Variants in WDPCP observed in about 807,000 individuals in gnomAD.
WDPCP encodes the protein WD repeat-containing and planar cell polarity effector protein fritz homolog.
A neutral mutation model predicts 93.1 loss-of-function variants in WDPCP; 71 were observed. The ratio of observed to expected loss-of-function variants is 0.76; its 90% CI spans 0.63 to 0.93. WDPCP has a LOEUF of 0.93. WDPCP is among the 40% of genes least tolerant of loss of function. The pLI is 0.00. For missense variants in WDPCP, 844 were observed against 887.4 expected (o/e 0.95, Z 0.62); for synonymous variants, 315 against 315.0 (o/e 1.00, Z 0.00).
intron 2 of WDPCP, among the ~76,000 whole-genome samples, chr2:63,706,210 T>C (rs1669149636): frequency 6.6e-6 from 1 of 152,196 alleles, no homozygotes; most frequent in South Asian, 2.1e-4. Context: ...TGAGATGGGT[T>C]TCCTGAATAC....
intron 14 of WDPCP, among the ~76,000 whole-genome samples, chr2:63,203,871 A>C (rs1676112697): frequency 6.6e-6 from 1 of 152,218 alleles, no homozygotes. Context: ...GTGTTGTTGC[A>C]GATAACAGGA....
chr2:63,131,921 C>T (rs1005744567), intron 17 of WDPCP, among the ~76,000 whole-genome samples: 1 of 151,006 alleles, frequency 6.6e-6, no homozygotes, highest in African/African-American at 2.4e-5. Flanking sequence ...CTGCAACCTC[C>T]ACCTCCCAGG....
At chr2:63,598,963 T>C (rs911320440) in intron 3 of WDPCP, among the ~76,000 whole-genome samples, 1 of 151,564 alleles carries the variant, frequency 6.6e-6, no homozygotes, top group Non-Finnish European at 1.5e-5. Context: ...TTTCTATAAA[T>C]CTGATATTAT....
intron 17 of WDPCP, among the ~76,000 whole-genome samples, chr2:63,131,822 G>A (rs1413533920): frequency 6.8e-6 from 1 of 146,720 alleles, no homozygotes; most frequent in Non-Finnish European, 1.5e-5. Flanking sequence ...AGTTTTGCTA[G>A]ATACAGTATT....
chr2:63,287,494 C>T (rs1394191640), intron 13 of WDPCP, among the ~76,000 whole-genome samples: 1 of 152,136 alleles, frequency 6.6e-6, no homozygotes, highest in Non-Finnish European at 1.5e-5. Flanking sequence ...TATTCCTTTC[C>T]TCAGGGCATG....
At chr2:63,484,717 T>C in intron 5 of WDPCP, 54 bp from the exon 6 acceptor site, 1 of 1,605,568 alleles carries the variant, frequency 6.2e-7, no homozygotes, top group Non-Finnish European at 8.5e-7. Context: ...ATTGTCATTA[T>C]CAGTTAAAGT....
At chr2:63,510,416 T>C (rs1043814889) in intron 1 of WDPCP, among the ~76,000 whole-genome samples, 2 of 152,326 alleles carry the variant, frequency 1.3e-5, no homozygotes, top group African/African-American at 2.4e-5. Context: ...AAACTAGGTA[T>C]TGGTGAAACA....
intron 1 of WDPCP, among the ~76,000 whole-genome samples, chr2:63,578,857 T>G (rs1708291105): frequency 6.6e-6 from 1 of 152,190 alleles, no homozygotes; most frequent in Admixed American, 6.5e-5. Context: ...TCCATGAGAT[T>G]CACTTATTCT....
chr2:63,433,103 T>C (rs80346493), intron 9 of WDPCP, among the ~76,000 whole-genome samples: 237 of 152,228 alleles, frequency 1.6e-3, no homozygotes, highest in African/African-American at 5.5e-3. Flanking sequence ...AAAATACACA[T>C]AGGTTCACAT....
At chr2:63,623,018 C>T (rs998937338) in intron 3 of WDPCP, among the ~76,000 whole-genome samples, 11 of 152,314 alleles carry the variant, frequency 7.2e-5, no homozygotes, top group South Asian at 2.1e-4. Flanking sequence ...GCGCCACTTC[C>T]GGCGCAGCCC....
At chr2:63,395,285 G>C (rs1693622396) in intron 10 of WDPCP, among the ~76,000 whole-genome samples, 1 of 152,078 alleles carries the variant, frequency 6.6e-6, no homozygotes, top group Non-Finnish European at 1.5e-5. Context: ...GTGTTACATA[G>C]ACATATTGCA....
intron 6 of WDPCP, among the ~76,000 whole-genome samples, chr2:63,444,403 A>T (rs1188326695): frequency 6.6e-6 from 1 of 152,202 alleles, no homozygotes; most frequent in Non-Finnish European, 1.5e-5. Flanking sequence ...GATATTGTAA[A>T]GGAGACAACT....
chr2:63,710,524 C>T (rs368728932), intron 2 of WDPCP, among the ~76,000 whole-genome samples: 1 of 152,194 alleles, frequency 6.6e-6, no homozygotes, highest in African/African-American at 2.4e-5. Context: ...AGAGTATGCC[C>T]TCTCTTTCCA....
intron 2 of WDPCP, among the ~76,000 whole-genome samples, chr2:63,769,383 A>G (rs1422920850): frequency 6.6e-6 from 1 of 152,028 alleles, no homozygotes; most frequent in Non-Finnish European, 1.5e-5. Flanking sequence ...CATGACCAGG[A>G]TAATGTAAAG....
chr2:63,321,765 T>G (rs1392351173), intron 12 of WDPCP, among the ~76,000 whole-genome samples: 1 of 152,200 alleles, frequency 6.6e-6, no homozygotes, highest in African/African-American at 2.4e-5. Context: ...GCAACTTTGC[T>G]TTACTTTTTA....
chr2:63,199,908 G>T (rs116201665), intron 14 of WDPCP, among the ~76,000 whole-genome samples: 1 of 152,180 alleles, frequency 6.6e-6, no homozygotes, highest in Non-Finnish European at 1.5e-5. Flanking sequence ...AGCCATGGGA[G>T]CTGAGCCCTG....
chr2:63,251,141 T>C (rs1315089283), intron 14 of WDPCP, among the ~76,000 whole-genome samples: 2 of 152,102 alleles, frequency 1.3e-5, no homozygotes, highest in Non-Finnish European at 2.9e-5. Flanking sequence ...CTAAATGAAC[T>C]TGAGATCCAA....
intron 9 of WDPCP, among the ~76,000 whole-genome samples, chr2:63,424,895 G>A (rs1239324887): frequency 6.6e-6 from 1 of 152,166 alleles, no homozygotes; most frequent in Non-Finnish European, 1.5e-5. Context: ...CCCAAGGCCC[G>A]GGAATGGATC....
chr2:63,289,760 G>C (rs1257862925), intron 13 of WDPCP, among the ~76,000 whole-genome samples: 2 of 151,570 alleles, frequency 1.3e-5, no homozygotes, highest in African/African-American at 4.8e-5. Context: ...TTTTTGGTTT[G>C]TCGGCTTTTG....
Sources: gnomAD v4.1 joint callset for allele counts (sites outside exome capture counted in the v4.1 genomes callset) on GRCh38, gnomAD v4.1.1 for gene constraint, MANE v1.5 for transcripts, NCBI Gene and HGNC (gene_info 2026-07-23, HGNC 2026-07-21) for gene names.